NABP1: variants seen among roughly 807,000 people sequenced by gnomAD.
NABP1 encodes SOSS complex subunit B2.
Under a neutral mutation model 25.0 loss-of-function variants are expected in NABP1, and 18 were observed. The observed-to-expected ratio is 0.72, with a 90% CI of 0.50 to 1.07. The LOEUF is 1.07. NABP1 is among the 50% of genes least tolerant of loss of function. The probability of loss-of-function intolerance (pLI) is 0.00; values close to 1 mark genes in which losing one functional copy is unlikely to be tolerated. For missense variants in NABP1, 270 were observed against 255.6 expected (o/e 1.06, Z -0.39); for synonymous variants, 71 against 85.0 (o/e 0.84, Z 0.91).
chr2:191,683,747 A>G lies in NABP1; in HGVS notation c.321A>G (p.Ser107=). 6.2e-7 allele frequency: 1 copy of G among 1,611,278 alleles called. No homozygotes were observed. Among genetic ancestry groups the G allele is most frequent in the East Asian group, 2.2e-5 (1 of 44,758 alleles). The change falls in exon 4 of 6, where the codon TCA becomes TCG. Residue 107 remains serine (S), a synonymous_variant. Transcript: ENST00000425611. This position sits in a 1 kb window ranked among gnomAD's most constrained non-coding sequence, Gnocchi z 4.1. ...CTTTCAGATTTTGTATGGTTTATTCAGAAGTGCCAAATTTCAGTGAACCCA... is the reference window on the plus strand; with the variant it reads ...CTTTCAGATTTTGTATGGTTTATTCGGAAGTGCCAAATTTCAGTGAACCCA... ...QKIGEFCMVY[S]EVPNFSEPNP...
At position 191,683,784 on chromosome 2, in the gene NABP1, C is replaced by T. The variant is rs762881375; in HGVS notation, c.358C>T (p.Arg120Ter). Reference protein sequence around the residue: ...PNFSEPNPDYRGQQNKGAQSE... With the variant: ...PNFSEPNPDY ...TTTCAGTGAACCCAACCCAGATTAT[C>T]GAGGACAGCAGAACAAAGGGGTAAT... Residue 120 changes from arginine (R) to a stop codon, truncating the protein, a stop_gained, in exon 4 of 6, where the codon CGA becomes TGA. Transcript: ENST00000425611. LOFTEE classifies it high-confidence loss of function. The surrounding 1 kb of genome is among the most constrained non-coding windows in gnomAD (Gnocchi z 4.1). 20 of 1,608,978 alleles carry T rather than the reference C, an allele frequency of 1.2e-5. No homozygotes were observed. Among genetic ancestry groups the T allele is most frequent in the Admixed American group, 5.1e-5 (3 of 58,668 alleles).
intron 5 of NABP1, 125 bp from the exon 6 acceptor site, chr2:191,685,474 C>A: frequency 2.6e-6 from 2 of 776,672 alleles, no homozygotes; most frequent in Non-Finnish European, 3.8e-6. Context: ...TTTTTTTTTT[C>A]TGTATAAAAA....
rs200586956 is a variant in NABP1 at position 191,678,740 on chromosome 2, T to A, written c.91+35T>A. The A allele has an allele frequency of 2.5e-6, 4 of 1,574,406 alleles. No homozygotes were observed. The African/African-American group carries it at 5.4e-5, about 21-fold the overall frequency. ...GTTTGCAGCCTACTCCACCGCCCGC[T>A]GTGCCTCCCGGGGCGGGAGACAGGG... On this transcript the variant is annotated intron_variant, in intron 1 of 5. Coordinates refer to ENST00000425611, the MANE Select transcript of NABP1 (RefSeq NM_001031716.5).
rs770309053 is a variant in NABP1 at position 191,683,739 on chromosome 2, G to A, written c.313G>A (p.Val105Ile). ...ELQKIGEFCM[V>I]YSEVPNFSEP... Reference sequence around the variant, plus strand: ...TTTATTTTCTTTCAGATTTTGTATGGTTTATTCAGAAGTGCCAAATTTCAG... The same window carrying A: ...TTTATTTTCTTTCAGATTTTGTATGATTTATTCAGAAGTGCCAAATTTCAG... Residue 105 changes from valine to isoleucine, a missense_variant, in exon 4 of 6, where the codon GTT becomes ATT. Transcript: ENST00000425611. This position sits in a 1 kb window ranked among gnomAD's most constrained non-coding sequence, Gnocchi z 4.1. The A allele has an allele frequency of 3.1e-6, 5 of 1,611,356 alleles. No homozygotes were observed. In the South Asian group the frequency reaches 5.5e-5, roughly 18 times the overall value.
intron 2 of NABP1, among the ~76,000 whole-genome samples, chr2:191,680,601 A>G (rs1334071950): frequency 2.6e-5 from 4 of 152,334 alleles, no homozygotes; most frequent in African/African-American, 9.6e-5. Flanking sequence ...TAAAAACGGC[A>G]TCTTATTTCA....
chr2:191,679,095 T>C lies in NABP1; in HGVS notation c.197T>C (p.Ile66Thr). 1.9e-6 allele frequency: 3 copies of C among 1,614,134 alleles called. No individual in the cohort carries two copies. The highest frequency in any genetic ancestry group is 2.5e-6 in the Non-Finnish European group (3 of 1,180,000). ...ISVWDEIGGL[I>T]QPGDIIRLTR... ...GTGTGGGATGAGATCGGAGGTCTTA[T>C]ACAGCCAGGGGATATTATTCGGTTG... The change falls in exon 2 of 6, where the codon ATA (isoleucine) becomes ACA (threonine). Residue 66 changes from isoleucine to threonine, a missense_variant. Transcript: ENST00000425611.
At position 191,686,579 on chromosome 2, in the gene NABP1, G is replaced by A. The variant is rs1355526082; in HGVS notation, c.*811G>A. On this transcript the variant is annotated 3_prime_UTR_variant, in exon 6 of 6. Coordinates refer to ENST00000425611, the MANE Select transcript of NABP1 (RefSeq NM_001031716.5). ...CTGATTATTTTAAACAATAGTTGTGGTAGATAAACATACTGGAGGTGAGTC... is the reference window on the plus strand; with the variant it reads ...CTGATTATTTTAAACAATAGTTGTGATAGATAAACATACTGGAGGTGAGTC... The A allele has an allele frequency of 6.6e-6, 1 of 152,180 alleles. No homozygotes were observed. The allele number at this position is 152,180 out of a possible 1,614,324, so 9.4% of individuals were successfully genotyped here.
At chr2:191,678,817 A>T in intron 1 of NABP1, 112 bp downstream of exon 1, 2 of 509,662 alleles carry the variant, frequency 3.9e-6, no homozygotes, top group Non-Finnish European at 3.4e-6. Flanking sequence ...CCCCTCCCCC[A>T]CCCACGTGGC....
chr2:191,686,283 G>A lies in NABP1; in HGVS notation c.*515G>A. ...AGTGACTACTATTAAGATTTTCCAAGGACTGACTCATCCCAAATTTTTGTT... is the reference window on the plus strand; with the variant it reads ...AGTGACTACTATTAAGATTTTCCAAAGACTGACTCATCCCAAATTTTTGTT... On this transcript the variant is annotated 3_prime_UTR_variant, in exon 6 of 6. Coordinates refer to ENST00000425611, the MANE Select transcript of NABP1 (RefSeq NM_001031716.5). 1 of 152,256 alleles carries A rather than the reference G, an allele frequency of 6.6e-6. No homozygotes were observed. Among genetic ancestry groups the A allele is most frequent in the Non-Finnish European group, 1.5e-5 (1 of 68,060 alleles). The allele number at this position is 152,256 out of a possible 1,614,324, so 9.4% of individuals were successfully genotyped here. A position where few individuals can be genotyped will look rare whatever the true frequency, so the allele number is the denominator to read the frequency against.
In NABP1 at chr2:191,679,063, T is replaced by C. The variant is rs1190411323; in HGVS notation, c.165T>C (p.Thr55=). The change falls in exon 2 of 6, where the codon ACT becomes ACC. Residue 55 remains threonine, a synonymous_variant. Coordinates refer to ENST00000425611, the MANE Select transcript of NABP1 (RefSeq NM_001031716.5). ...CKVADKTGSI[T]ISVWDEIGGL... The stretch of plus-strand genomic sequence containing the variant: ...TAGCAGATAAAACGGGCAGCATCAC[T>C]ATTTCCGTGTGGGATGAGATCGGAG... 5 of 1,614,176 alleles carry C rather than the reference T, an allele frequency of 3.1e-6. No homozygotes were observed. The highest frequency in any genetic ancestry group is 3.4e-6 in the Non-Finnish European group (4 of 1,180,026).
chr2:191,678,782 GC>G, intron 1 of NABP1, 77 bp downstream of exon 1: 1 of 1,402,936 alleles, frequency 7.1e-7, no homozygotes, highest in Non-Finnish European at 9.8e-7. Context: ...GCCGCTGCGC[GC>G]CCGGGGCTCC....
chr2:191,683,040 C>T lies in NABP1; in HGVS notation c.303-689C>T, dbSNP rs11892451. The stretch of plus-strand genomic sequence containing the variant: ...TGTTGATAATAATGGAGGTCAGTTA[C>T]GTGAAAAACCGTTAGAGGTCACTCA... On this transcript the variant is annotated intron_variant, in intron 3 of 5. Coordinates refer to ENST00000425611, the MANE Select transcript of NABP1 (RefSeq NM_001031716.5). The surrounding 1 kb of genome is among the most constrained non-coding windows in gnomAD (Gnocchi z 4.1). The T allele has an allele frequency of 0.033, 5,169 of 157,428 alleles. 304 individuals are homozygous for T. The highest frequency in any genetic ancestry group is 0.12 in the African/African-American group (4,823 of 41,500). 9.8% of individuals were successfully genotyped at this position (157,428 alleles called of 1,614,324 possible).
chr2:191,684,255 C>G lies in NABP1; in HGVS notation c.404C>G (p.Ser135Cys), dbSNP rs1047279758. 13 of 1,539,846 alleles carry G rather than the reference C, an allele frequency of 8.4e-6. No individual in the cohort carries two copies. The highest frequency in any genetic ancestry group is 1.1e-5 in the Non-Finnish European group (13 of 1,153,708). Residue 135 changes from serine (S) to cysteine (C), a missense_variant, in exon 5 of 6, where the codon TCC becomes TGC. By Grantham distance (112) the Ser-to-Cys change is moderately radical. Coordinates refer to ENST00000425611, the MANE Select transcript of NABP1 (RefSeq NM_001031716.5). ...KGAQSEQKNN[S>C]MNSNMGTGTF... The stretch of plus-strand genomic sequence containing the variant: ...GCACAGAGTGAACAGAAGAATAATT[C>G]CATGAATAGTAATATGGGTACAGGT...
chr2:191,684,273 G>C lies in NABP1; in HGVS notation c.422G>C (p.Gly141Ala). 1 of 1,536,084 alleles carries C rather than the reference G, an allele frequency of 6.5e-7. No homozygotes were observed. The highest frequency in any genetic ancestry group is 8.7e-7 in the Non-Finnish European group (1 of 1,151,792). Residue 141 changes from glycine (G) to alanine (A), a missense_variant, in exon 5 of 6, where the codon GGT (glycine) becomes GCT (alanine). Transcript: ENST00000425611. The part of the protein sequence containing the change: ...QKNNSMNSNM[G>A]TGTFGPVGNG... Reference sequence around the variant, plus strand: ...AATAATTCCATGAATAGTAATATGGGTACAGGTACATTTGGACCAGTGGGT... The same window carrying C: ...AATAATTCCATGAATAGTAATATGGCTACAGGTACATTTGGACCAGTGGGT...
At position 191,684,239 on chromosome 2, in the gene NABP1, G is replaced by A. The variant is rs754024300; in HGVS notation, c.388G>A (p.Glu130Lys). 18 of 1,543,570 alleles carry A rather than the reference G, an allele frequency of 1.2e-5. No individual in the cohort carries two copies. The highest frequency in any genetic ancestry group is 1.5e-5 in the Non-Finnish European group (17 of 1,154,202). Residue 130 changes from glutamate to lysine, a missense_variant, in exon 5 of 6, where the codon GAA becomes AAA. By Grantham distance (56) the Glu-to-Lys change is moderately conservative. Transcript: ENST00000425611. The stretch of plus-strand genomic sequence containing the variant: ...AAAAACTTTTTTTTAGGCACAGAGT[G>A]AACAGAAGAATAATTCCATGAATAG... Reference protein sequence around the residue: ...RGQQNKGAQSEQKNNSMNSNM... With the variant: ...RGQQNKGAQSKQKNNSMNSNM...
At chr2:191,684,581 C>T (rs1466138595) in intron 5 of NABP1, among the ~76,000 whole-genome samples, 1 of 151,828 alleles carries the variant, frequency 6.6e-6, no homozygotes, top group Non-Finnish European at 1.5e-5. Flanking sequence ...ATAGTAGATG[C>T]AGAATTACTG....
At chr2:191,682,157 A>G in intron 3 of NABP1, 140 bp downstream of exon 3, 2 of 487,156 alleles carry the variant, frequency 4.1e-6, no homozygotes, top group South Asian at 7.8e-5. Flanking sequence ...TTGAAAAAAT[A>G]ACTTCGTGTA....
Position 191,681,860 on chromosome 2 carries a change from A to G in NABP1, c.231-86A>G, listed in dbSNP as rs916895491. The G allele has an allele frequency of 1.1e-5, 10 of 883,094 alleles. No individual in the cohort carries two copies. In the African/African-American group the frequency reaches 1.8e-4, roughly 16 times the overall value. The allele number at this position is 883,094 out of a possible 1,614,324, so 54.7% of individuals were successfully genotyped here. A position where few individuals can be genotyped will look rare whatever the true frequency, so the allele number is the denominator to read the frequency against. On this transcript the variant is annotated intron_variant, in intron 2 of 5. Coordinates refer to ENST00000425611, the MANE Select transcript of NABP1 (RefSeq NM_001031716.5). ...TGATCCTCACTTCTACCTTAATACA[A>G]AAAATATATAGTGTGAAGATTTACT...
At position 191,683,529 on chromosome 2, in the gene NABP1, A is replaced by G. The variant is rs534234939; in HGVS notation, c.303-200A>G. 17 of 506,212 alleles carry G rather than the reference A, an allele frequency of 3.4e-5. No homozygotes were observed. The East Asian group carries it at 3.7e-4, about 11-fold the overall frequency. 31.4% of individuals were successfully genotyped at this position (506,212 alleles called of 1,614,324 possible). On this transcript the variant is annotated intron_variant, in intron 3 of 5. Transcript: ENST00000425611. The surrounding 1 kb of genome is among the most constrained non-coding windows in gnomAD (Gnocchi z 4.1). Reference sequence around the variant, plus strand: ...ATTTAAATACAAAATAGAATGTTATATATCTTGTAGACAGTCAAATATTTG... The same window carrying G: ...ATTTAAATACAAAATAGAATGTTATGTATCTTGTAGACAGTCAAATATTTG...
Sources: gnomAD v4.1 joint callset for allele counts (sites outside exome capture counted in the v4.1 genomes callset) on GRCh38, gnomAD v4.1.1 for gene constraint, Gnocchi (gnomAD v3.1) non-coding constraint, MANE v1.5 for transcripts, NCBI Gene and HGNC (gene_info 2026-07-23, HGNC 2026-07-21) for gene names.